Variants in PLCH1 observed in about 807,000 individuals in gnomAD.
PLCH1 encodes phospholipase C eta 1.
PLCH1 carries 60 observed loss-of-function variants against 126.7 expected under a neutral mutation model. That is an observed-to-expected ratio of 0.47 (90% CI 0.38 to 0.59). The LOEUF is 0.59. Among genes scored for constraint, PLCH1 ranks in the 20% least tolerant of loss-of-function variants. The probability of loss-of-function intolerance (pLI) is 0.00; values close to 1 mark genes in which losing one functional copy is unlikely to be tolerated. For synonymous variants in PLCH1, 719 were observed against 734.9 expected (o/e 0.98, Z 0.35); for missense variants, 1,723 against 2,040.0 (o/e 0.84, Z 2.99).
Position 155,481,331 on chromosome 3 carries a change from T to C in PLCH1, c.4695A>G (p.Ala1565=). ...SKQDANQLPR[A]LVRKLSSRSQ... is the part of the protein sequence containing the mutation. ...TTCTGGATGACAACTTCCTGACCAG[T>C]GCCCGGGGGAGCTGATTGGCATCCT... is the stretch of plus-strand genomic sequence containing the variant. The change falls in exon 23 of 23, where the codon GCA becomes GCG. Residue 1565 remains alanine, a synonymous_variant. Coordinates refer to ENST00000460012, the MANE Select transcript of PLCH1 (RefSeq NM_014996.4). This position sits in a 1 kb window ranked among gnomAD's most constrained non-coding sequence, Gnocchi z 4.2. 1 of 1,614,258 alleles carries C rather than the reference T, an allele frequency of 6.2e-7. No individual in the cohort carries two copies. Among genetic ancestry groups the C allele is most frequent in the South Asian group, 1.1e-5 (1 of 91,088 alleles).
At chr3:155,737,476 C>T (rs1340676690) in intron 1 of PLCH1, among the ~76,000 whole-genome samples, 2 of 151,702 alleles carry the variant, frequency 1.3e-5, no homozygotes, top group Non-Finnish European at 2.9e-5. Flanking sequence ...GGATTACAAG[C>T]GTGAGCCACC....
intron 10 of PLCH1, among the ~76,000 whole-genome samples, chr3:155,545,989 G>T (rs1017105359): frequency 6.6e-6 from 1 of 151,658 alleles, no homozygotes; most frequent in African/African-American, 2.4e-5. Flanking sequence ...AGACAGGGAT[G>T]CCCTCTCTCA....
rs926384791 is a variant in PLCH1, at chr3:155,500,896, A to G, written c.1705-102T>C. ...CTTTAAAATGCACATGTGCACAAAC[A>G]TAACTTGGAGGGAGAAAATGACCAA... On this transcript the variant is annotated intron_variant, in intron 13 of 22. Transcript: ENST00000460012. The G allele has an allele frequency of 6.6e-6, 5 of 756,448 alleles. No homozygotes were observed. In the African/African-American group the frequency reaches 8.7e-5, roughly 13 times the overall value. The allele number at this position is 756,448 out of a possible 1,614,324, so 46.9% of individuals were successfully genotyped here. A position where few individuals can be genotyped will look rare whatever the true frequency, so the allele number is the denominator to read the frequency against.
chr3:155,472,250 C>T (rs1403070898), intron 21 of PLCH1, among the ~76,000 whole-genome samples: 1 of 152,050 alleles, frequency 6.6e-6, no homozygotes, highest in Non-Finnish European at 1.5e-5. Flanking sequence ...GGGGATATCA[C>T]CACCGATCCC....
chr3:155,704,754 C>A (rs1041127459), intron 1 of PLCH1, among the ~76,000 whole-genome samples: 4 of 152,148 alleles, frequency 2.6e-5, no homozygotes, highest in Non-Finnish European at 5.9e-5. Flanking sequence ...ATAAAATGTG[C>A]CTCCCTCTTT....
intron 22 of PLCH1, among the ~76,000 whole-genome samples, chr3:155,484,703 T>A (rs1714742487): frequency 6.6e-6 from 1 of 152,198 alleles, no homozygotes; most frequent in Admixed American, 6.5e-5. Context: ...GTCTTCACTC[T>A]TTATTGAGCT....
chr3:155,686,892 A>T (rs358906), intron 2 of PLCH1, among the ~76,000 whole-genome samples: 30,720 of 152,188 alleles, frequency 0.2, 3,487 homozygotes, highest in East Asian at 0.45. Flanking sequence ...ACCTTATAGT[A>T]TAACCACTCT....
intron 2 of PLCH1, among the ~76,000 whole-genome samples, chr3:155,657,528 G>A (rs891966323): frequency 2.0e-5 from 3 of 152,114 alleles, no homozygotes; most frequent in African/African-American, 4.8e-5. Context: ...CACCCACAGC[G>A]AGATTGGGAC....
chr3:155,738,291 A>AGG (rs1252898353), intron 1 of PLCH1, among the ~76,000 whole-genome samples: 1 of 152,156 alleles, frequency 6.6e-6, no homozygotes, highest in African/African-American at 2.4e-5. Flanking sequence ...GTCAGGTACT[A>AGG]GGGAAGAAAG....
chr3:155,628,127 TTTGAGTTATTTCATGTATATACATAA>T (rs1737571485), intron 2 of PLCH1, among the ~76,000 whole-genome samples: 2 of 152,042 alleles, frequency 1.3e-5, no homozygotes, highest in Non-Finnish European at 2.9e-5. Context: ...CATGATTCTA[TTTGAGTTATTTCATGTATATACATAA>T]ATATACACTA....
intron 11 of PLCH1, among the ~76,000 whole-genome samples, chr3:155,515,139 A>G (rs1218921670): frequency 1.3e-5 from 2 of 152,166 alleles, no homozygotes; most frequent in South Asian, 2.1e-4. Flanking sequence ...CAGGAACCTT[A>G]TAAGTATTAT....
chr3:155,569,171 A>T (rs1295936292), intron 6 of PLCH1, among the ~76,000 whole-genome samples: 1 of 152,184 alleles, frequency 6.6e-6, no homozygotes, highest in East Asian at 1.9e-4. Flanking sequence ...TAATTTCTTT[A>T]ATTAAACAGC....
chr3:155,462,345 C>T (rs974195282), intron 21 of PLCH1, among the ~76,000 whole-genome samples: 6 of 152,104 alleles, frequency 3.9e-5, no homozygotes, highest in East Asian at 1.9e-4. Context: ...GGTTGACATC[C>T]ATTAGGGATT....
intron 10 of PLCH1, among the ~76,000 whole-genome samples, chr3:155,529,734 T>TAGGTG (rs1031408617): frequency 1.3e-5 from 2 of 149,574 alleles, no homozygotes; most frequent in Non-Finnish European, 3.0e-5. Flanking sequence ...TGCTGAAGGT[T>TAGGTG]AGGTGACTGT....
At chr3:155,526,807 C>T (rs1308867120) in intron 10 of PLCH1, among the ~76,000 whole-genome samples, 2 of 152,198 alleles carry the variant, frequency 1.3e-5, no homozygotes, top group Non-Finnish European at 2.9e-5. Context: ...TTGTTTTAAG[C>T]TGTCAAATGT....
chr3:155,521,700 G>T (rs1721126496), intron 11 of PLCH1, among the ~76,000 whole-genome samples: 1 of 152,136 alleles, frequency 6.6e-6, no homozygotes, highest in African/African-American at 2.4e-5. Context: ...GACTATAAAT[G>T]GTCTGATTAC....
In PLCH1 at chr3:155,726,066, A is replaced by C. The variant is rs561619062; in HGVS notation, c.-41+18774T>G. 7.2e-5 allele frequency among the ~76,000 whole-genome samples: 11 copies of C among 152,318 alleles called. No individual in the cohort carries two copies. In the East Asian group the frequency reaches 1.9e-3, roughly 27 times the overall value. On this transcript the variant is annotated intron_variant, in intron 1 of 22. Transcript: ENST00000460012. ...TCTCTAATCTCTTCCCAAACTATAC[A>C]AGAATTTTAGAGCACATTAACTCCT...
At chr3:155,563,937 G>T (rs909004013) in intron 8 of PLCH1, among the ~76,000 whole-genome samples, 1 of 149,896 alleles carries the variant, frequency 6.7e-6, no homozygotes, top group Non-Finnish European at 1.5e-5. Context: ...CTCTCTCTCT[G>T]TCTCTCTCTC....
chr3:155,492,149 G>A (rs1439591747), intron 18 of PLCH1, among the ~76,000 whole-genome samples: 1 of 152,292 alleles, frequency 6.6e-6, no homozygotes, highest in Middle Eastern at 3.4e-3. Flanking sequence ...TCAGCTCTGA[G>A]AGGAAGGGCA....
Sources: allele counts gnomAD v4.1 joint callset (sites outside exome capture counted in the v4.1 genomes callset), GRCh38; gene constraint gnomAD v4.1.1; non-coding constraint Gnocchi (gnomAD v3.1); transcripts MANE v1.5; gene names NCBI Gene and HGNC (gene_info 2026-07-23, HGNC 2026-07-21).